CACNA2D1: variants seen among roughly 807,000 people sequenced by gnomAD.
The protein encoded by CACNA2D1 is voltage-dependent calcium channel subunit alpha-2/delta-1.
Under a neutral mutation model 171.5 loss-of-function variants are expected in CACNA2D1, and 53 were observed. The observed-to-expected ratio is 0.31, with a 90% CI of 0.25 to 0.39. The LOEUF (loss-of-function observed/expected upper bound fraction) is 0.39, where lower values mean the gene tolerates loss of function less well. Among genes scored for constraint, CACNA2D1 ranks in the 10% least tolerant of loss-of-function variants. The pLI, the probability that CACNA2D1 is intolerant of heterozygous loss-of-function variation, is 1.00. For missense variants in CACNA2D1, 903 were observed against 1,299.8 expected, an observed-to-expected ratio of 0.69 and a Z score of 4.69; for synonymous variants, 442 against 443.1, an observed-to-expected ratio of 1.00 and a Z score of 0.03.
At chr7:82,405,476 G>T (rs1034367774) in intron 1 of CACNA2D1, among the ~76,000 whole-genome samples, 1 of 152,036 alleles carries the variant, frequency 6.6e-6, no homozygotes, top group African/African-American at 2.4e-5. Context: ...AACATCCCTG[G>T]GAAAAATTAA....
chr7:82,079,394 T>C (rs1315432256), intron 7 of CACNA2D1, among the ~76,000 whole-genome samples: 2 of 152,054 alleles, frequency 1.3e-5, no homozygotes, highest in Admixed American at 1.3e-4. Context: ...CTGTGGAATC[T>C]AAAAAAGTCT....
At chr7:82,411,355 C>A (rs192121632) in intron 1 of CACNA2D1, among the ~76,000 whole-genome samples, 119 of 152,276 alleles carry the variant, frequency 7.8e-4, no homozygotes, top group African/African-American at 2.6e-3. Flanking sequence ...CTCAATACTT[C>A]AGTGTCTTCA....
chr7:82,222,602 T>C (rs988743044), intron 3 of CACNA2D1, among the ~76,000 whole-genome samples: 1 of 152,158 alleles, frequency 6.6e-6, no homozygotes, highest in Non-Finnish European at 1.5e-5. Flanking sequence ...CTTCGAAGAC[T>C]TCCCTGCCAT....
intron 4 of CACNA2D1, among the ~76,000 whole-genome samples, chr7:82,155,112 C>A (rs1794245349): frequency 6.6e-6 from 1 of 152,096 alleles, no homozygotes; most frequent in Admixed American, 6.6e-5. Context: ...CTCCCCCTTG[C>A]CTTCTGCCGT....
intron 3 of CACNA2D1, among the ~76,000 whole-genome samples, chr7:82,318,836 A>G (rs1815433841): frequency 6.6e-6 from 1 of 152,116 alleles, no homozygotes; most frequent in African/African-American, 2.4e-5. Flanking sequence ...GACAAATAGG[A>G]AAGGCAATAG....
intron 1 of CACNA2D1, among the ~76,000 whole-genome samples, chr7:82,433,811 G>T (rs1336621652): frequency 6.6e-6 from 1 of 152,138 alleles, no homozygotes; most frequent in African/African-American, 2.4e-5. Context: ...AATAGCAACT[G>T]GCCTTTTACC....
chr7:82,296,274 A>G (rs1273544599), intron 3 of CACNA2D1, among the ~76,000 whole-genome samples: 1 of 151,944 alleles, frequency 6.6e-6, no homozygotes, highest in Non-Finnish European at 1.5e-5. Context: ...ATTAAAAAAA[A>G]AAACATGTAG....
chr7:82,332,562 G>GAAAGAAAGAA (rs1554514950), intron 3 of CACNA2D1, among the ~76,000 whole-genome samples: 30 of 104,714 alleles, frequency 2.9e-4, no homozygotes, highest in Non-Finnish European at 9.3e-5. Flanking sequence ...AAGAAAGAAA[G>GAAAGAAAGAA]AAAGAACGAA....
At chr7:82,383,039 A>G (rs1823885846) in intron 1 of CACNA2D1, among the ~76,000 whole-genome samples, 1 of 152,206 alleles carries the variant, frequency 6.6e-6, no homozygotes, top group African/African-American at 2.4e-5. Flanking sequence ...TTGTAAAAGA[A>G]GGACTCACAC....
At chr7:82,242,705 T>A (rs542530768) in intron 3 of CACNA2D1, among the ~76,000 whole-genome samples, 2 of 152,204 alleles carry the variant, frequency 1.3e-5, no homozygotes, top group African/African-American at 4.8e-5. Context: ...ATATAGAAAA[T>A]TTTCCTTCTC....
chr7:82,437,045 C>A (rs1007093016), intron 1 of CACNA2D1, among the ~76,000 whole-genome samples: 2 of 152,088 alleles, frequency 1.3e-5, no homozygotes, highest in Admixed American at 6.6e-5. Flanking sequence ...AATCCCTCAA[C>A]AATTTCTCTT....
chr7:82,443,927 A>T, upstream of CACNA2D1: 1 of 224,692 alleles, frequency 4.5e-6, no homozygotes, highest in Non-Finnish European at 8.5e-6. Context: ...TGTGGAAGCG[A>T]GAGGCTCCGT....
At chr7:81,978,640 A>G (rs1252676506) in intron 24 of CACNA2D1, among the ~76,000 whole-genome samples, 1 of 151,878 alleles carries the variant, frequency 6.6e-6, no homozygotes, top group East Asian at 1.9e-4. Context: ...CTTAAAACCT[A>G]GATGATGTGT....
intron 3 of CACNA2D1, among the ~76,000 whole-genome samples, chr7:82,312,216 C>T (rs1054266926): frequency 1.3e-5 from 2 of 152,162 alleles, no homozygotes; most frequent in Non-Finnish European, 2.9e-5. Context: ...ATACCCGTTA[C>T]TAGTTTCCAG....
At chr7:82,049,261 T>C (rs1289540623) in intron 10 of CACNA2D1, among the ~76,000 whole-genome samples, 2 of 152,082 alleles carry the variant, frequency 1.3e-5, no homozygotes, top group African/African-American at 4.8e-5. Context: ...TGAAAATACT[T>C]TTATAAAGGT....
At chr7:82,213,270 G>A (rs1043989845) in intron 3 of CACNA2D1, among the ~76,000 whole-genome samples, 1 of 152,110 alleles carries the variant, frequency 6.6e-6, no homozygotes. Flanking sequence ...ATGATAAACT[G>A]CAAGTAAGTC....
intron 4 of CACNA2D1, among the ~76,000 whole-genome samples, chr7:82,139,795 T>C (rs989333975): frequency 2.0e-5 from 3 of 148,388 alleles, no homozygotes; most frequent in South Asian, 2.2e-4. Context: ...TTTTTTTTTT[T>C]CTTTATTGAG....
At chr7:82,313,522 T>G (rs1814731548) in intron 3 of CACNA2D1, among the ~76,000 whole-genome samples, 1 of 152,194 alleles carries the variant, frequency 6.6e-6, no homozygotes, top group Non-Finnish European at 1.5e-5. Flanking sequence ...TGAAGTTTCA[T>G]CTGCCTAATG....
intron 3 of CACNA2D1, among the ~76,000 whole-genome samples, chr7:82,188,573 T>C (rs1486373202): frequency 1.3e-5 from 2 of 152,186 alleles, no homozygotes; most frequent in East Asian, 3.9e-4. Context: ...CTGATGGGAA[T>C]GTAAATTATA....
Sources: gnomAD v4.1 joint callset for allele counts (sites outside exome capture counted in the v4.1 genomes callset) on GRCh38, gnomAD v4.1.1 for gene constraint, MANE v1.5 for transcripts, NCBI Gene and HGNC (gene_info 2026-07-23, HGNC 2026-07-21) for gene names.